RBFOX3: variants seen among roughly 807,000 people sequenced by gnomAD.
RBFOX3 encodes RNA binding fox-1 homolog 3, also known as RNA binding protein fox-1 homolog 3.
Under a neutral mutation model 48.7 loss-of-function variants are expected in RBFOX3, and 17 were observed. The observed-to-expected ratio is 0.35, with a 90% confidence interval of 0.24 to 0.52. The LOEUF is 0.52. RBFOX3 is among the 20% of genes least tolerant of loss of function. RBFOX3 has a pLI of 0.94. For synonymous variants in RBFOX3, 212 were observed against 209.5 expected (o/e 1.01, Z -0.10); for missense variants, 382 against 497.5 (o/e 0.77, Z 2.21).
At chr17:79,148,259 T>TCCAGCCTCCCAAGGTCCCTTCC (rs1468248870) in intron 4 of RBFOX3, among the ~76,000 whole-genome samples, 1 of 152,224 alleles carries the variant, frequency 6.6e-6, no homozygotes, top group African/African-American at 2.4e-5. Flanking sequence ...CAGTCCCTTC[T>TCCAGCCTCCCAAGGTCCCTTCC]CCAGCCTCCC....
chr17:79,368,659 G>A (rs1188413195), intron 2 of RBFOX3, among the ~76,000 whole-genome samples: 1 of 152,118 alleles, frequency 6.6e-6, no homozygotes, highest in South Asian at 2.1e-4. Flanking sequence ...CAGATTCCAA[G>A]CAGCAACCAA....
At chr17:79,347,961 C>T (rs2083186191) in intron 2 of RBFOX3, among the ~76,000 whole-genome samples, 1 of 152,168 alleles carries the variant, frequency 6.6e-6, no homozygotes, top group Admixed American at 6.5e-5. Context: ...AGGTGGGTAG[C>T]CCAGTAAGCC....
rs1356105845 is a variant in RBFOX3 at position 79,364,497 on chromosome 17, A to C, written c.-174-56673T>G. ...CTCTCCCAGGCCAAGCACGTCTCCC[A>C]GGCATCTGATGGGTCAGTGCGCAGT... On this transcript the variant is annotated intron_variant, in intron 2 of 14. Transcript: ENST00000693108. This position sits in a 1 kb window ranked among gnomAD's most constrained non-coding sequence, Gnocchi z 5.1. 7.9e-5 allele frequency among the ~76,000 whole-genome samples: 12 copies of C among 152,236 alleles called. No individual in the cohort carries two copies. Among genetic ancestry groups the C allele is most frequent in the Non-Finnish European group, 1.8e-4 (12 of 68,044 alleles).
chr17:79,399,823 ACG>A (rs1165607473), intron 2 of RBFOX3, among the ~76,000 whole-genome samples: 27 of 152,212 alleles, frequency 1.8e-4, no homozygotes, highest in Admixed American at 1.8e-3. Flanking sequence ...GCAAGCGTGA[ACG>A]CGCCGCTGGA....
intron 1 of RBFOX3, among the ~76,000 whole-genome samples, chr17:79,486,539 A>G (rs1050028108): frequency 5.6e-4 from 85 of 152,236 alleles, no homozygotes; most frequent in African/African-American, 2.0e-3. Context: ...ATGCGTGCAC[A>G]TATGCTCACA....
intron 4 of RBFOX3, among the ~76,000 whole-genome samples, chr17:79,183,024 G>T (rs1410630818): frequency 6.7e-6 from 1 of 150,282 alleles, no homozygotes; most frequent in East Asian, 2.0e-4. Context: ...AGTTGCGAGC[G>T]ACGCCCCAAA....
the RBFOX3 span, among the ~76,000 whole-genome samples, chr17:79,656,887 A>AGGAG: frequency 0.025 from 3,304 of 133,752 alleles, 275 homozygotes; most frequent in East Asian, 0.32. Context: ...GAAGGAAGGA[A>AGGAG]GGAAGGAGGG....
chr17:79,198,791 A>G lies in RBFOX3; in HGVS notation c.-34+36975T>C, dbSNP rs2056229192. 6.6e-6 allele frequency among the ~76,000 whole-genome samples: 1 copy of G among 151,754 alleles called. No homozygotes were observed. The highest frequency in any genetic ancestry group is 2.1e-4 in the South Asian group (1 of 4,750). Reference sequence around the variant, plus strand: ...TAGGCATGTGCCACCACACCCAGCTAATTTTTTTTGTACTTTTGGTAGAGA... The same window carrying G: ...TAGGCATGTGCCACCACACCCAGCTGATTTTTTTTGTACTTTTGGTAGAGA... On this transcript the variant is annotated intron_variant, in intron 4 of 14. Coordinates refer to ENST00000693108, the MANE Select transcript of RBFOX3 (RefSeq NM_001350451.2). The surrounding 1 kb of genome is among the most constrained non-coding windows in gnomAD (Gnocchi z 8.2).
At chr17:79,660,392 C>A in the RBFOX3 span, among the ~76,000 whole-genome samples, 1 of 152,248 alleles carries the variant, frequency 6.6e-6, no homozygotes, top group African/African-American at 2.4e-5. Context: ...AATTTGCTAT[C>A]TATCCATCTG....
At chr17:79,527,154 G>A (rs901125244) in intron 1 of RBFOX3, among the ~76,000 whole-genome samples, 4 of 152,206 alleles carry the variant, frequency 2.6e-5, no homozygotes, top group African/African-American at 4.8e-5. Context: ...CCTGTCACCC[G>A]CCCAGACAAA....
rs2091917629 is a variant in RBFOX3 at position 79,558,156 on chromosome 17, G to T, written c.-320+52670C>A. On this transcript the variant is annotated intron_variant, in intron 1 of 14. Transcript: ENST00000693108. ...ACACGGGGAGGGTGATTTGTGTTTT[G>T]TTCACTGTTTGGGGGCAGGAAAGAC... Among the ~76,000 whole-genome samples the T allele has an allele frequency of 2.0e-5, 3 of 152,176 alleles. No individual in the cohort carries two copies. In the South Asian group the frequency reaches 6.2e-4, roughly 32 times the overall value.
chr17:79,277,300 G>T (rs1208455402), intron 3 of RBFOX3, among the ~76,000 whole-genome samples: 1 of 84,346 alleles, frequency 1.2e-5, no homozygotes, highest in Non-Finnish European at 2.4e-5. Context: ...TCCAATGGTG[G>T]GGAGGGGGGG....
chr17:79,634,533 G>A, the RBFOX3 span, among the ~76,000 whole-genome samples: 4 of 152,244 alleles, frequency 2.6e-5, no homozygotes, highest in South Asian at 4.2e-4. Flanking sequence ...CCATAGACCC[G>A]CAAATGGGGT....
At chr17:79,503,948 C>T (rs1324920311) in intron 1 of RBFOX3, among the ~76,000 whole-genome samples, 2 of 152,164 alleles carry the variant, frequency 1.3e-5, no homozygotes, top group Non-Finnish European at 2.9e-5. Flanking sequence ...CTTGTGCACA[C>T]CCACCTTCCA....
chr17:79,112,633 G>C (rs911720506), intron 5 of RBFOX3, among the ~76,000 whole-genome samples: 1 of 152,068 alleles, frequency 6.6e-6, no homozygotes, highest in Non-Finnish European at 1.5e-5. Context: ...GTGGGCCCCC[G>C]GGCCTGGACA....
intron 4 of RBFOX3, among the ~76,000 whole-genome samples, chr17:79,228,935 G>A (rs571447480): frequency 6.6e-6 from 1 of 152,110 alleles, no homozygotes; most frequent in South Asian, 2.1e-4. Context: ...TTCTCTCAAA[G>A]GACAGGAGAG....
At chr17:79,555,008 A>T (rs2091508369) in intron 1 of RBFOX3, among the ~76,000 whole-genome samples, 1 of 152,214 alleles carries the variant, frequency 6.6e-6, no homozygotes, top group Non-Finnish European at 1.5e-5. Context: ...GGGAACAAAG[A>T]GGGTCCACAG....
At chr17:79,567,075 G>A (rs1410573925) in intron 1 of RBFOX3, among the ~76,000 whole-genome samples, 1 of 150,768 alleles carries the variant, frequency 6.6e-6, no homozygotes, top group African/African-American at 2.4e-5. Flanking sequence ...TCCTCTTCCC[G>A]TTCTCCTTCC....
chr17:79,148,916 A>G (rs1407260587), intron 4 of RBFOX3, among the ~76,000 whole-genome samples: 1 of 152,112 alleles, frequency 6.6e-6, no homozygotes, highest in African/African-American at 2.4e-5. Flanking sequence ...GTCATGGGGG[A>G]TGGAGGGGGA....
Sources: gnomAD v4.1 joint callset for allele counts (sites outside exome capture counted in the v4.1 genomes callset) on GRCh38, gnomAD v4.1.1 for gene constraint, Gnocchi (gnomAD v3.1) non-coding constraint, MANE v1.5 for transcripts, NCBI Gene and HGNC (gene_info 2026-07-23, HGNC 2026-07-21) for gene names.